Variants in ERG observed in about 807,000 individuals in gnomAD.
ERG encodes ETS transcription factor ERG.
ERG carries 9 observed loss-of-function variants against 55.3 expected under a neutral mutation model. The observed-to-expected ratio is 0.16, with a 90% CI of 0.10 to 0.28. The LOEUF is 0.28. Among genes scored for constraint, ERG ranks in the 10% least tolerant of loss-of-function variants. The pLI, the probability that ERG is intolerant of heterozygous loss-of-function variation, is 1.00. For synonymous variants in ERG, 223 were observed against 237.3 expected (o/e 0.94, Z 0.55); for missense variants, 434 against 631.6 (o/e 0.69, Z 3.35).
intron 2 of ERG, among the ~76,000 whole-genome samples, chr21:38,525,735 C>A (rs1414629930): frequency 4.6e-5 from 7 of 152,200 alleles, no homozygotes; most frequent in Non-Finnish European, 1.0e-4. Context: ...ACATCTCCTG[C>A]CAAGTTACTG....
chr21:38,419,778 A>G (rs1286564098), intron 3 of ERG, among the ~76,000 whole-genome samples: 1 of 151,636 alleles, frequency 6.6e-6, no homozygotes. Context: ...CACTTTTTTT[A>G]TGGGCTTCTT....
At chr21:38,581,967 C>T (rs1009260555) in intron 1 of ERG, among the ~76,000 whole-genome samples, 4 of 147,894 alleles carry the variant, frequency 2.7e-5, no homozygotes, top group Admixed American at 6.8e-5. Flanking sequence ...GGCGTGAACC[C>T]GGGAGGAGGA....
chr21:38,658,485 C>T (rs927799361), intron 1 of ERG, among the ~76,000 whole-genome samples: 2 of 152,190 alleles, frequency 1.3e-5, no homozygotes, highest in African/African-American at 4.8e-5. Context: ...GAAACGATTC[C>T]AGAAACATTA....
At chr21:38,544,527 T>C (rs2059775868) in intron 2 of ERG, among the ~76,000 whole-genome samples, 2 of 152,146 alleles carry the variant, frequency 1.3e-5, no homozygotes, top group African/African-American at 2.4e-5. Flanking sequence ...AGAGAATACA[T>C]AGTTAAAGGA....
At chr21:38,600,470 A>G (rs1004396673) in intron 1 of ERG, among the ~76,000 whole-genome samples, 1 of 152,098 alleles carries the variant, frequency 6.6e-6, no homozygotes, top group South Asian at 2.1e-4. Flanking sequence ...TCCACAGGAG[A>G]AAGACCCTCC....
At chr21:38,505,767 C>G (rs1207436559) in intron 2 of ERG, among the ~76,000 whole-genome samples, 1 of 152,204 alleles carries the variant, frequency 6.6e-6, no homozygotes, top group Non-Finnish European at 1.5e-5. Context: ...GCAACCACCT[C>G]CTGCCTAAAG....
At chr21:38,458,489 C>A (rs928957477) in intron 1 of ERG, among the ~76,000 whole-genome samples, 3 of 151,118 alleles carry the variant, frequency 2.0e-5, no homozygotes, top group Non-Finnish European at 4.4e-5. Flanking sequence ...GGCCTTGACA[C>A]GTGAGATGTC....
intron 2 of ERG, among the ~76,000 whole-genome samples, chr21:38,574,352 G>A (rs2059981798): frequency 6.6e-6 from 1 of 152,082 alleles, no homozygotes; most frequent in African/African-American, 2.4e-5. Context: ...AACCATCATA[G>A]CCCAACAAAA....
At chr21:38,436,123 G>T (rs1990435410) in intron 2 of ERG, among the ~76,000 whole-genome samples, 1 of 148,878 alleles carries the variant, frequency 6.7e-6, no homozygotes, top group Non-Finnish European at 1.5e-5. Flanking sequence ...CTGGGTTCAA[G>T]CGATTCTCCC....
chr21:38,486,593 A>T (rs559035703), intron 1 of ERG, among the ~76,000 whole-genome samples: 1 of 152,354 alleles, frequency 6.6e-6, no homozygotes, highest in African/African-American at 2.4e-5. Flanking sequence ...GGAAACAAAC[A>T]CAATCAAGGA....
At chr21:38,405,553 C>T (rs888567391) in intron 3 of ERG, among the ~76,000 whole-genome samples, 1 of 152,064 alleles carries the variant, frequency 6.6e-6, no homozygotes, top group Non-Finnish European at 1.5e-5. Flanking sequence ...ATAACAGCTC[C>T]CCCAGGTGAC....
At chr21:38,386,868 CA>C (rs1987714325) in intron 9 of ERG, among the ~76,000 whole-genome samples, 1 of 151,734 alleles carries the variant, frequency 6.6e-6, no homozygotes, top group Admixed American at 6.6e-5. Flanking sequence ...GGGTAATTAC[CA>C]AAATAAAACA....
At chr21:38,572,380 A>AG (rs1469142561) in intron 2 of ERG, among the ~76,000 whole-genome samples, 1 of 151,162 alleles carries the variant, frequency 6.6e-6, no homozygotes, top group East Asian at 1.9e-4. Flanking sequence ...AAAAAAAAAA[A>AG]AAAAAAGAAC....
intron 1 of ERG, among the ~76,000 whole-genome samples, chr21:38,584,484 A>C (rs1315894385): frequency 6.6e-6 from 1 of 152,238 alleles, no homozygotes; most frequent in East Asian, 1.9e-4. Context: ...TAAAAGCACC[A>C]GTCTGTAGAC....
rs769978266 is a variant in ERG at position 38,597,310 on chromosome 21, A to G, written c.-149-12365T>C. On this transcript the variant is annotated intron_variant, in intron 1 of 10. Transcript: ENST00000398910. The stretch of plus-strand genomic sequence containing the variant: ...AAGAAATTGGTTTATCTGTCTATAT[A>G]TATTTACATACATATACATCCATAC... 3.4e-4 allele frequency among the ~76,000 whole-genome samples: 52 copies of G among 152,164 alleles called. 1 individual carries two copies. The highest frequency in any genetic ancestry group is 7.3e-4 in the Non-Finnish European group (50 of 68,032).
intron 1 of ERG, among the ~76,000 whole-genome samples, chr21:38,632,279 CA>C (rs1427505894): frequency 6.6e-6 from 1 of 152,146 alleles, no homozygotes; most frequent in Non-Finnish European, 1.5e-5. Context: ...TGCTCAATGT[CA>C]CTAATCATCA....
At chr21:38,646,300 A>T (rs1430374930) in intron 1 of ERG, among the ~76,000 whole-genome samples, 2 of 148,432 alleles carry the variant, frequency 1.3e-5, no homozygotes, top group East Asian at 3.9e-4. Context: ...AAAAAAAAGC[A>T]AAACAAACAA....
intron 2 of ERG, among the ~76,000 whole-genome samples, chr21:38,544,142 T>C (rs1199345353): frequency 6.6e-6 from 1 of 152,130 alleles, no homozygotes; most frequent in African/African-American, 2.4e-5. Flanking sequence ...GGGTAGAACA[T>C]TCCGGATTGC....
chr21:38,398,121 G>T (rs980545074), intron 6 of ERG, among the ~76,000 whole-genome samples: 2 of 152,080 alleles, frequency 1.3e-5, no homozygotes, highest in African/African-American at 4.8e-5. Context: ...CTGACCACAG[G>T]GATATCGTCA....
Sources: gnomAD v4.1 joint callset for allele counts (sites outside exome capture counted in the v4.1 genomes callset) on GRCh38, gnomAD v4.1.1 for gene constraint, MANE v1.5 for transcripts, NCBI Gene and HGNC (gene_info 2026-07-23, HGNC 2026-07-21) for gene names.